LEMD2: variants seen among roughly 807,000 people sequenced by gnomAD.
The protein encoded by LEMD2 is LEM domain nuclear envelope protein 2, also known as LEM domain-containing protein 2.
LEMD2 carries 34 observed loss-of-function variants against 58.8 expected under a neutral mutation model. The observed-to-expected ratio is 0.58, with a 90% CI of 0.44 to 0.77. LEMD2 has a LOEUF of 0.77. Ranked by LOEUF, LEMD2 falls within the 30% of genes least tolerant of loss-of-function variation. LEMD2 has a pLI of 0.00. For synonymous variants in LEMD2, 298 were observed against 308.9 expected (o/e 0.96, Z 0.37); for missense variants, 629 against 717.9 (o/e 0.88, Z 1.42).
In LEMD2 at chr6:33,777,067, GA is replaced by G; in HGVS notation, c.1259-12del. 1 of 1,612,946 alleles carries G rather than the reference GA, an allele frequency of 6.2e-7. No individual in the cohort carries two copies. The highest frequency in any genetic ancestry group is 1.1e-5 in the South Asian group (1 of 91,060). On this transcript the variant is annotated splice_polypyrimidine_tract_variant and intron_variant, in intron 7 of 8. Transcript: ENST00000293760. ...GGTCCTGGACCACGTCTGCAGGAGA[GA>G]GCACACCATTTAGGGCAAGGACCCT...
rs943241245 is a variant in LEMD2, at chr6:33,786,809, G to A, written c.737-35C>T. 6 of 1,612,208 alleles carry A rather than the reference G, an allele frequency of 3.7e-6. No individual in the cohort carries two copies. In the Admixed American group the frequency reaches 6.7e-5, roughly 18 times the overall value. Reference sequence around the variant, plus strand: ...AGAAAAGAAACACAGAGGAAATTAAGTGTGGGTTGAGAAAGGAATACAAAA... The same window carrying A: ...AGAAAAGAAACACAGAGGAAATTAAATGTGGGTTGAGAAAGGAATACAAAA... On this transcript the variant is annotated intron_variant, in intron 1 of 8. Transcript: ENST00000293760.
rs369907731 is a variant in LEMD2 at position 33,780,042 on chromosome 6, C to T, written c.1010+58G>A. 4.8e-4 allele frequency: 676 copies of T among 1,408,004 alleles called. 4 individuals carry two copies. The African/African-American group carries it at 8.5e-3, about 18-fold the overall frequency. The allele number at this position is 1,408,004 out of a possible 1,614,324, so 87.2% of individuals were successfully genotyped here. A position where few individuals can be genotyped will look rare whatever the true frequency, so the allele number is the denominator to read the frequency against. ...CTGTTGGAGCACGGGTGTTAGCTGA[C>T]GAGCGAGGACAGTGGTTGCAGGCAC... On this transcript the variant is annotated intron_variant, in intron 5 of 8. Coordinates refer to ENST00000293760, the MANE Select transcript of LEMD2 (RefSeq NM_181336.4).
intron 8 of LEMD2, among the ~76,000 whole-genome samples, chr6:33,775,706 G>A (rs922793395): frequency 3.3e-5 from 5 of 152,182 alleles, no homozygotes; most frequent in East Asian, 1.9e-4. Flanking sequence ...GCGGGAGCAC[G>A]GAAATGCCAC....
chr6:33,788,658 C>G lies in LEMD2; in HGVS notation c.459G>C (p.Gln153His). ...AGCGGCGGGCCGCGAGACCCGGGCC[C>G]TGCGTGGCCCTGTCGGGCGTCCGGG... is the stretch of plus-strand genomic sequence containing the variant. ...EDARTPDRAT[Q>H]GPGLAARRWW... is the part of the protein sequence containing the mutation. The change falls in exon 1 of 9, where the codon CAG (glutamine) becomes CAC (histidine). Residue 153 changes from glutamine (Q) to histidine (H), a missense_variant. Transcript: ENST00000293760. The G allele has an allele frequency of 7.7e-7, 1 of 1,301,992 alleles. No homozygotes were observed. Among genetic ancestry groups the G allele is most frequent in the Non-Finnish European group, 9.7e-7 (1 of 1,027,836 alleles). 80.7% of individuals were successfully genotyped at this position (1,301,992 alleles called of 1,614,324 possible).
At chr6:33,780,667 T>C (rs1767545742) in intron 4 of LEMD2, among the ~76,000 whole-genome samples, 1 of 152,108 alleles carries the variant, frequency 6.6e-6, no homozygotes. Flanking sequence ...ACCAGCTCCA[T>C]AGTTCTATAA....
intron 8 of LEMD2, among the ~76,000 whole-genome samples, chr6:33,774,281 C>T (rs1007292053): frequency 6.6e-6 from 1 of 151,338 alleles, no homozygotes; most frequent in Admixed American, 6.6e-5. Context: ...AAGTGATTCT[C>T]CTGACTCAGC....
intron 8 of LEMD2, chr6:33,776,705 T>C (rs1039534355): frequency 2.7e-5 from 14 of 525,908 alleles, no homozygotes; most frequent in Non-Finnish European, 4.1e-5. Flanking sequence ...CTAACTGGTA[T>C]CACCACTGCC....
At chr6:33,777,627 C>T (rs1767465179) in intron 6 of LEMD2, among the ~76,000 whole-genome samples, 1 of 152,160 alleles carries the variant, frequency 6.6e-6, no homozygotes, top group Non-Finnish European at 1.5e-5. Context: ...CCTGATGGCA[C>T]AGGGGAGGGA....
chr6:33,774,791 G>A (rs1767392190), intron 8 of LEMD2, among the ~76,000 whole-genome samples: 2 of 152,084 alleles, frequency 1.3e-5, no homozygotes, highest in South Asian at 4.2e-4. Context: ...CCTTCCCTTA[G>A]GGCTTGTCAC....
intron 1 of LEMD2, 136 bp downstream of exon 1, chr6:33,788,245 A>C: frequency 1.1e-6 from 1 of 896,434 alleles, no homozygotes; most frequent in Non-Finnish European, 1.6e-6. Context: ...GGAAGAAGGC[A>C]GGCCTGGAAA....
chr6:33,782,491 C>T (rs1360458851), intron 3 of LEMD2, among the ~76,000 whole-genome samples: 1 of 152,222 alleles, frequency 6.6e-6, no homozygotes, highest in East Asian at 1.9e-4. Context: ...CTGCTTCCCA[C>T]TCGAGATGTA....
In LEMD2 at chr6:33,784,393, T is replaced by C. The variant is rs775169477; in HGVS notation, c.812A>G (p.Glu271Gly). 2 of 1,429,720 alleles carry C rather than the reference T, an allele frequency of 1.4e-6. No individual in the cohort carries two copies. The highest frequency in any genetic ancestry group is 1.1e-5 in the South Asian group (1 of 88,598). 88.6% of individuals were successfully genotyped at this position (1,429,720 alleles called of 1,614,324 possible). Residue 271 changes from glutamate to glycine, a missense_variant, in exon 3 of 9, where the codon GAG (glutamate) becomes GGG (glycine). Glu to Gly is a moderately conservative substitution (Grantham distance 98). This residue lies in a region of LEMD2 where 243 missense variants were observed against 336.8 expected (regional missense o/e 0.72). Coordinates refer to ENST00000293760, the MANE Select transcript of LEMD2 (RefSeq NM_181336.4). ...GAAATTGTAGAGTTCATGCAGCAGCTCCAGCAAGGCTGCCTTCTGCTTGGC... is the reference window on the plus strand; with the variant it reads ...GAAATTGTAGAGTTCATGCAGCAGCCCCAGCAAGGCTGCCTTCTGCTTGGC... ...CQAKQKAALL[E>G]LLHELYNFLA...
Position 33,776,956 on chromosome 6 carries a change from G to T in LEMD2, c.1359C>A (p.Ser453Arg). The T allele has an allele frequency of 6.2e-7, 1 of 1,612,780 alleles. No homozygotes were observed. The highest frequency in any genetic ancestry group is 8.5e-7 in the Non-Finnish European group (1 of 1,179,584). ...CAGCGCCCCAGCCAGGGACTCACCGGCTCTGTGGAGGGATCAAGCTGTCGC... is the reference window on the plus strand; with the variant it reads ...CAGCGCCCCAGCCAGGGACTCACCGTCTCTGTGGAGGGATCAAGCTGTCGC... ...HVRDSLIPPQSRRRMKRVWDR... is the reference protein window; with the variant it reads ...HVRDSLIPPQRRRRMKRVWDR... The change falls in exon 8 of 9, where the codon AGC becomes AGA. Residue 453 changes from serine to arginine, a missense_variant and splice_region_variant. Ser to Arg is a moderately radical substitution (Grantham distance 110). This residue lies in a region of LEMD2 where 243 missense variants were observed against 336.8 expected (regional missense o/e 0.72). Transcript: ENST00000293760.
At chr6:33,776,632 G>A in intron 8 of LEMD2, 2 of 375,722 alleles carry the variant, frequency 5.3e-6, no homozygotes, top group Non-Finnish European at 1.0e-5. Context: ...CAGAGACTGA[G>A]GAGATCCTTC....
Position 33,771,522 on chromosome 6 carries a change from T to A in LEMD2, c.*1106A>T, listed in dbSNP as rs943252542. 1.3e-5 allele frequency: 2 copies of A among 152,286 alleles called. No homozygotes were observed. The highest frequency in any genetic ancestry group is 2.9e-5 in the Non-Finnish European group (2 of 68,068). The allele number at this position is 152,286 out of a possible 1,614,324, so 9.4% of individuals were successfully genotyped here. On this transcript the variant is annotated 3_prime_UTR_variant, in exon 9 of 9. Transcript: ENST00000293760. ...CTCCCCCTCTCCTGCCTGCCGCAGA[T>A]GAGGACACACGGGGAAGACTCGCTG...
chr6:33,780,577 AG>A (rs1423611582), intron 4 of LEMD2, among the ~76,000 whole-genome samples: 2 of 143,810 alleles, frequency 1.4e-5, no homozygotes, highest in East Asian at 4.0e-4. Flanking sequence ...GACCCTCTCC[AG>A]GCCTCAGTTT....
Position 33,788,933 on chromosome 6 carries a change from A to G in LEMD2, c.184T>C (p.Leu62=), listed in dbSNP as rs1297201519. Residue 62 remains leucine (L), a synonymous_variant, in exon 1 of 9, where the codon TTA becomes CTA. Transcript: ENST00000293760. ...EEARPRGEER[L]REEARLREDA... is the part of the protein sequence containing the mutation. ...TCGCGTAACCGGGCCTCTTCCCGTA[A>G]CCGCTCCTCGCCCCGCGGCCGGGCC... 2.0e-6 allele frequency: 3 copies of G among 1,495,006 alleles called. No homozygotes were observed. The highest frequency in any genetic ancestry group is 2.7e-6 in the Non-Finnish European group (3 of 1,130,316). The allele number at this position is 1,495,006 out of a possible 1,614,324, so 92.6% of individuals were successfully genotyped here. A position where few individuals can be genotyped will look rare whatever the true frequency, so the allele number is the denominator to read the frequency against.
chr6:33,775,596 T>G (rs972596579), intron 8 of LEMD2, among the ~76,000 whole-genome samples: 1 of 152,234 alleles, frequency 6.6e-6, no homozygotes, highest in African/African-American at 2.4e-5. Context: ...ATTACAGGTG[T>G]GAGCCACTGT....
At chr6:33,780,398 A>G in intron 4 of LEMD2, 2 of 580,738 alleles carry the variant, frequency 3.4e-6, no homozygotes, top group South Asian at 3.7e-5. Flanking sequence ...CACAAGCAGG[A>G]AAACAGTGCG....
Sources: allele counts gnomAD v4.1 joint callset (sites outside exome capture counted in the v4.1 genomes callset), GRCh38; gene constraint gnomAD v4.1.1; regional missense constraint gnomAD v4.1.1; transcripts MANE v1.5; gene names NCBI Gene and HGNC (gene_info 2026-07-23, HGNC 2026-07-21).